The following ASTN2 variants were observed in gnomAD, a reference collection of about 807,000 sequenced individuals.
The protein encoded by ASTN2 is astrotactin-2.
In ASTN2, 54 loss-of-function variants were observed where a neutral mutation model predicts 139.8. The ratio of observed to expected loss-of-function variants is 0.39; its 90% CI spans 0.31 to 0.48. ASTN2 has a LOEUF of 0.48. ASTN2 is among the 20% of genes least tolerant of loss of function. The pLI is 0.95. For synonymous variants in ASTN2, 756 were observed against 719.5 expected, an observed-to-expected ratio of 1.05 and a Z score of -0.81; for missense variants, 1,565 against 1,725.1, an observed-to-expected ratio of 0.91 and a Z score of 1.64.
chr9:116,510,181 G>C (rs1421387611), intron 19 of ASTN2, among the ~76,000 whole-genome samples: 1 of 152,164 alleles, frequency 6.6e-6, no homozygotes, highest in African/African-American at 2.4e-5. Flanking sequence ...ATTAATTTTT[G>C]TATAAGGTGT....
intron 6 of ASTN2, among the ~76,000 whole-genome samples, chr9:117,019,319 T>C (rs1424633443): frequency 1.3e-5 from 2 of 152,146 alleles, no homozygotes; most frequent in African/African-American, 4.8e-5. Context: ...TTCAAATTAA[T>C]GCTAAGCCTA....
intron 10 of ASTN2, among the ~76,000 whole-genome samples, chr9:116,926,862 C>T (rs1486462349): frequency 6.6e-6 from 1 of 152,100 alleles, no homozygotes; most frequent in Non-Finnish European, 1.5e-5. Flanking sequence ...TACCAAAAGG[C>T]ATCTAATTAG....
chr9:117,044,398 A>T (rs1474196968), intron 5 of ASTN2, among the ~76,000 whole-genome samples: 2 of 152,210 alleles, frequency 1.3e-5, no homozygotes, highest in Non-Finnish European at 2.9e-5. Flanking sequence ...TCAAGCCTTC[A>T]CTAAGCCAGA....
chr9:116,544,255 G>A (rs932685637), intron 19 of ASTN2, among the ~76,000 whole-genome samples: 11 of 152,142 alleles, frequency 7.2e-5, no homozygotes, highest in African/African-American at 2.7e-4. Flanking sequence ...ATGAAAAATG[G>A]AGTGTCCCCA....
chr9:116,917,851 T>C (rs573265953), intron 10 of ASTN2, among the ~76,000 whole-genome samples: 21 of 152,182 alleles, frequency 1.4e-4, no homozygotes, highest in Non-Finnish European at 2.1e-4. Context: ...GGTACTAGCC[T>C]CAAGATAGTG....
At chr9:117,413,848 G>C (rs142797443) in intron 1 of ASTN2, among the ~76,000 whole-genome samples, 17 of 152,302 alleles carry the variant, frequency 1.1e-4, no homozygotes, top group Non-Finnish European at 2.4e-4. Context: ...TAAACGTGGA[G>C]ACCTCGGAGT....
chr9:116,489,219 C>A (rs2119091329), intron 19 of ASTN2, among the ~76,000 whole-genome samples: 1 of 152,320 alleles, frequency 6.6e-6, no homozygotes, highest in South Asian at 2.1e-4. Context: ...GGACTCAGAG[C>A]AGCTTGGTGG....
In ASTN2 at chr9:116,569,868, C is replaced by A. The variant is rs559254677; in HGVS notation, c.3355+48456G>T. On this transcript the variant is annotated intron_variant, in intron 19 of 22. Transcript: ENST00000313400. The stretch of plus-strand genomic sequence containing the variant: ...TGCAAGGCCTTGGGGAAATGACCAG[C>A]AAGTTCATAGCCCAAGGTTTCTCTG... Among the ~76,000 whole-genome samples the A allele has an allele frequency of 2.0e-5, 3 of 152,330 alleles. No individual in the cohort carries two copies. In the South Asian group the frequency reaches 6.2e-4, roughly 32 times the overall value.
chr9:116,957,059 T>G (rs1835729124), intron 10 of ASTN2, among the ~76,000 whole-genome samples: 1 of 151,854 alleles, frequency 6.6e-6, no homozygotes, highest in Non-Finnish European at 1.5e-5. Context: ...ATTTTTTTTT[T>G]TTTTTTGCAG....
chr9:117,408,909 G>T (rs79911819), intron 1 of ASTN2, among the ~76,000 whole-genome samples: 3 of 152,166 alleles, frequency 2.0e-5, no homozygotes, highest in African/African-American at 4.8e-5. Flanking sequence ...AAGAAGTGGG[G>T]TAGGGTATGG....
chr9:116,533,649 A>C (rs1180386487), intron 19 of ASTN2, among the ~76,000 whole-genome samples: 1 of 152,170 alleles, frequency 6.6e-6, no homozygotes, highest in East Asian at 1.9e-4. Context: ...TTCTGTTCAT[A>C]TGCTGGATTA....
intron 2 of ASTN2, among the ~76,000 whole-genome samples, chr9:117,245,279 G>A (rs370949817): frequency 1.3e-5 from 2 of 152,162 alleles, no homozygotes; most frequent in East Asian, 1.9e-4. Context: ...CTGATTAGTC[G>A]GAATATTTGG....
chr9:117,152,456 T>C (rs1184719991), intron 3 of ASTN2, among the ~76,000 whole-genome samples: 1 of 152,142 alleles, frequency 6.6e-6, no homozygotes, highest in Non-Finnish European at 1.5e-5. Flanking sequence ...TTGCCATAAT[T>C]TGGAATCTGG....
intron 19 of ASTN2, among the ~76,000 whole-genome samples, chr9:116,599,871 A>G (rs974505381): frequency 6.6e-6 from 1 of 151,952 alleles, no homozygotes; most frequent in Admixed American, 6.6e-5. Context: ...TTCTCTCTTC[A>G]CCCTCAGGCT....
chr9:117,126,193 C>T (rs541949647), intron 4 of ASTN2, among the ~76,000 whole-genome samples: 1 of 152,194 alleles, frequency 6.6e-6, no homozygotes, highest in South Asian at 2.1e-4. Flanking sequence ...TTGTTGCTGC[C>T]TTATTTCTGT....
chr9:117,083,284 G>C (rs1288679664), intron 5 of ASTN2, among the ~76,000 whole-genome samples: 1 of 152,154 alleles, frequency 6.6e-6, no homozygotes, highest in African/African-American at 2.4e-5. Context: ...ATCCTTCCCA[G>C]ACTTTTTCTC....
At position 116,585,974 on chromosome 9, in the gene ASTN2, A is replaced by C. The variant is rs546263123; in HGVS notation, c.3355+32350T>G. The C allele has an allele frequency of 2.0e-5, 3 of 152,322 alleles. No individual in the cohort carries two copies. In the East Asian group the frequency reaches 5.8e-4, roughly 29 times the overall value. The allele number at this position is 152,322 out of a possible 1,614,324, so 9.4% of individuals were successfully genotyped here. On this transcript the variant is annotated intron_variant, in intron 19 of 22. Transcript: ENST00000313400. ...AGCAAAAAACAAATAACTCCAATAAAAAAATGGGCAAAAGACATTAACAGA... is the reference window on the plus strand; with the variant it reads ...AGCAAAAAACAAATAACTCCAATAACAAAATGGGCAAAAGACATTAACAGA...
intron 5 of ASTN2, among the ~76,000 whole-genome samples, chr9:117,074,878 A>G (rs1828237791): frequency 6.6e-6 from 1 of 152,202 alleles, no homozygotes; most frequent in African/African-American, 2.4e-5. Flanking sequence ...TCCTAAGTGA[A>G]GACCATGAGA....
chr9:117,114,496 G>T (rs1829329677), intron 4 of ASTN2, among the ~76,000 whole-genome samples: 2 of 152,082 alleles, frequency 1.3e-5, no homozygotes, highest in African/African-American at 4.8e-5. Flanking sequence ...GAATTGTTTT[G>T]TATATTCAAA....
Sources: allele counts gnomAD v4.1 joint callset (sites outside exome capture counted in the v4.1 genomes callset), GRCh38; gene constraint gnomAD v4.1.1; transcripts MANE v1.5; gene names NCBI Gene and HGNC (gene_info 2026-07-23, HGNC 2026-07-21).